HSPA4: variants seen among roughly 807,000 people sequenced by gnomAD.
The protein encoded by HSPA4 is heat shock protein family A (Hsp70) member 4.
HSPA4 carries 25 observed loss-of-function variants against 106.2 expected under a neutral mutation model. That is an observed-to-expected ratio of 0.24 (90% confidence interval 0.17 to 0.33). HSPA4 has a LOEUF of 0.33. Ranked by LOEUF, HSPA4 falls within the 10% of genes least tolerant of loss-of-function variation. HSPA4 has a pLI of 1.00. For synonymous variants in HSPA4, 332 were observed against 333.6 expected (o/e 1.00, Z 0.05); for missense variants, 841 against 996.0 (o/e 0.84, Z 2.10).
chr5:133,056,562 C>T (rs1045947852), intron 1 of HSPA4, among the ~76,000 whole-genome samples: 6 of 152,208 alleles, frequency 3.9e-5, no homozygotes, highest in African/African-American at 9.7e-5. Flanking sequence ...TGAGCCACCG[C>T]GCCCGGCCTG....
rs771666225 is a variant in HSPA4, at chr5:133,083,640, T to C, written c.909-3142T>C. ...TTAACCTCCGCCTCCCGGGTTCAAGTGATTCTCCTGCCTCAGCTTCCCAAG... is the reference window on the plus strand; with the variant it reads ...TTAACCTCCGCCTCCCGGGTTCAAGCGATTCTCCTGCCTCAGCTTCCCAAG... On this transcript the variant is annotated intron_variant, in intron 7 of 18. Coordinates refer to ENST00000304858, the MANE Select transcript of HSPA4 (RefSeq NM_002154.4). 1.2e-4 allele frequency among the ~76,000 whole-genome samples: 18 copies of C among 151,992 alleles called. 1 individual carries two copies. The highest frequency in any genetic ancestry group is 2.1e-4 in the Non-Finnish European group (14 of 68,006).
At chr5:133,088,671 C>T in intron 9 of HSPA4, 116 bp downstream of exon 9, 2 of 806,946 alleles carry the variant, frequency 2.5e-6, no homozygotes, top group Non-Finnish European at 4.1e-6. Flanking sequence ...TGTTGAGATT[C>T]CAAAACCTTT....
At chr5:133,087,666 C>G (rs923669677) in intron 8 of HSPA4, among the ~76,000 whole-genome samples, 1 of 152,248 alleles carries the variant, frequency 6.6e-6, no homozygotes, top group Non-Finnish European at 1.5e-5. Context: ...CTCTGTCACC[C>G]AGGCTGGAGT....
chr5:133,074,220 G>A (rs1765419893), intron 6 of HSPA4, 94 bp downstream of exon 6: 2 of 729,660 alleles, frequency 2.7e-6, no homozygotes, highest in Admixed American at 2.7e-5. Context: ...CAATATGGGA[G>A]AAACAATGCA....
chr5:133,096,115 C>G lies in HSPA4; in HGVS notation c.1668C>G (p.Ser556=). The change falls in exon 14 of 19, where the codon TCC becomes TCG. Residue 556 remains serine, a synonymous_variant. Coordinates refer to ENST00000304858, the MANE Select transcript of HSPA4 (RefSeq NM_002154.4). ...SEEMETSQAG[S]KDKKMDQPPQ... is the part of the protein sequence containing the mutation. ...TGTTTTAGACCTCTCAAGCTGGATC[C>G]AAGGATAAAAAGATGGACCAACCAC... The G allele has an allele frequency of 6.2e-7, 1 of 1,613,508 alleles. No homozygotes were observed. The highest frequency in any genetic ancestry group is 8.5e-7 in the Non-Finnish European group (1 of 1,179,722).
intron 1 of HSPA4, among the ~76,000 whole-genome samples, chr5:133,055,576 C>T (rs895219182): frequency 2.0e-5 from 3 of 152,098 alleles, no homozygotes; most frequent in South Asian, 4.2e-4. Context: ...TTCATTTTAT[C>T]AGATGTTGAG....
chr5:133,068,268 C>T (rs1219479364), intron 3 of HSPA4, among the ~76,000 whole-genome samples: 1 of 152,062 alleles, frequency 6.6e-6, no homozygotes, highest in Non-Finnish European at 1.5e-5. Flanking sequence ...AAGAGATGTT[C>T]TTTTGGGGAA....
intron 7 of HSPA4, among the ~76,000 whole-genome samples, chr5:133,083,920 A>G (rs1289188751): frequency 6.6e-6 from 1 of 152,194 alleles, no homozygotes; most frequent in South Asian, 2.1e-4. Flanking sequence ...ACATCTATAA[A>G]TGTAGACTTC....
intron 12 of HSPA4, among the ~76,000 whole-genome samples, chr5:133,092,124 G>A (rs1300445463): frequency 6.6e-6 from 1 of 152,248 alleles, no homozygotes; most frequent in Non-Finnish European, 1.5e-5. Context: ...TGAGGTAGCA[G>A]TAGTTTTAAA....
intron 17 of HSPA4, among the ~76,000 whole-genome samples, chr5:133,102,230 C>T (rs1041061351): frequency 3.9e-5 from 6 of 152,150 alleles, no homozygotes; most frequent in East Asian, 3.8e-4. Flanking sequence ...TGCTCCCGGC[C>T]GTAAAGTTAA....
chr5:133,102,210 C>T (rs957249300), intron 17 of HSPA4, among the ~76,000 whole-genome samples: 1 of 152,184 alleles, frequency 6.6e-6, no homozygotes. Flanking sequence ...GTATTACAGG[C>T]GTGAGCCACT....
rs375369566 is a variant in HSPA4 at position 133,086,883 on chromosome 5, G to A, written c.985+25G>A. The A allele has an allele frequency of 1.5e-4, 234 of 1,510,020 alleles. 1 individual carries two copies. In the Middle Eastern group the frequency reaches 2.2e-3, roughly 14 times the overall value. 93.5% of individuals were successfully genotyped at this position (1,510,020 alleles called of 1,614,324 possible). A position where few individuals can be genotyped will look rare whatever the true frequency, so the allele number is the denominator to read the frequency against. On this transcript the variant is annotated intron_variant, in intron 8 of 18. Coordinates refer to ENST00000304858, the MANE Select transcript of HSPA4 (RefSeq NM_002154.4). The stretch of plus-strand genomic sequence containing the variant: ...AGTAAGTATTTTTGTGATTGAATTT[G>A]TTTGCGTATCTCAGACTGTTTGGAA...
Position 133,097,161 on chromosome 5 carries a change from G to A in HSPA4, c.1804G>A (p.Gly602Ser). The change falls in exon 15 of 19, where the codon GGT becomes AGT. Residue 602 changes from glycine (G) to serine (S), a missense_variant and splice_region_variant. Gly to Ser is a moderately conservative substitution (Grantham distance 56). Coordinates refer to ENST00000304858, the MANE Select transcript of HSPA4 (RefSeq NM_002154.4). ...EMLNLYIENE[G>S]KMIMQDKLEK... ...ATTTATACATAATATTTATTCTCAG[G>A]GTAAGATGATCATGCAGGATAAACT... The A allele has an allele frequency of 6.2e-7, 1 of 1,607,420 alleles. No individual in the cohort carries two copies. The highest frequency in any genetic ancestry group is 8.5e-7 in the Non-Finnish European group (1 of 1,174,706).
At chr5:133,081,721 G>A (rs1424883656) in intron 7 of HSPA4, among the ~76,000 whole-genome samples, 5 of 152,102 alleles carry the variant, frequency 3.3e-5, no homozygotes, top group Non-Finnish European at 5.9e-5. Context: ...GTTTGTCTCT[G>A]CCTATATGTA....
At chr5:133,101,523 C>T in intron 16 of HSPA4, 1 of 388,022 alleles carries the variant, frequency 2.6e-6, no homozygotes. Flanking sequence ...GGTGGTCTCC[C>T]TGCTGTGTTT....
At chr5:133,053,046 C>T (rs1765102816) in intron 1 of HSPA4, 1 of 152,238 alleles carries the variant, frequency 6.6e-6, no homozygotes, top group Admixed American at 6.5e-5. Flanking sequence ...GTTTTGTGCG[C>T]GTTAACCCCT....
intron 4 of HSPA4, among the ~76,000 whole-genome samples, chr5:133,072,942 T>G (rs2126701835): frequency 6.6e-6 from 1 of 152,328 alleles, no homozygotes. Flanking sequence ...AAGCAGGTGT[T>G]TTCTAAGGAT....
chr5:133,080,056 GT>G (rs1765494629), intron 7 of HSPA4, among the ~76,000 whole-genome samples: 1 of 151,742 alleles, frequency 6.6e-6, no homozygotes, highest in Non-Finnish European at 1.5e-5. Context: ...TGACAGCATA[GT>G]TTTTAGATAT....
chr5:133,063,383 C>T lies in HSPA4; in HGVS notation c.108-1597C>T, dbSNP rs1025796675. ...ATCCACTTGCTTTGGCCTCCCAAAA[C>T]GTTGGGATTACAGGCTTGAGCCACT... On this transcript the variant is annotated intron_variant, in intron 1 of 18. Coordinates refer to ENST00000304858, the MANE Select transcript of HSPA4 (RefSeq NM_002154.4). Among the ~76,000 whole-genome samples, 9 of 152,088 alleles carry T rather than the reference C, an allele frequency of 5.9e-5. 2 individuals are homozygous for T. Among genetic ancestry groups the T allele is most frequent in the South Asian group, 2.1e-4 (1 of 4,830 alleles).
Sources: gnomAD v4.1 joint callset for allele counts (sites outside exome capture counted in the v4.1 genomes callset) on GRCh38, gnomAD v4.1.1 for gene constraint, MANE v1.5 for transcripts, NCBI Gene and HGNC (gene_info 2026-07-23, HGNC 2026-07-21) for gene names.